Variants in ULK4 observed in about 807,000 individuals in gnomAD.
ULK4 encodes the protein inactive serine/threonine-protein kinase ULK4.
ULK4 carries 133 observed loss-of-function variants against 160.6 expected under a neutral mutation model. The observed-to-expected ratio is 0.83, with a 90% CI of 0.72 to 0.96. The LOEUF (loss-of-function observed/expected upper bound fraction) is 0.96. Ranked by LOEUF, ULK4 falls within the 40% of genes least tolerant of loss-of-function variation. The pLI, the probability that ULK4 is intolerant of heterozygous loss-of-function variation, is 0.00. For missense variants in ULK4, 1,580 were observed against 1,499.5 expected (o/e 1.05, Z -0.89); for synonymous variants, 534 against 539.8 (o/e 0.99, Z 0.15).
chr3:41,666,191 C>A (rs796596704), intron 29 of ULK4, among the ~76,000 whole-genome samples: 6 of 152,312 alleles, frequency 3.9e-5, no homozygotes, highest in African/African-American at 1.4e-4. Context: ...ACTTGTGGAA[C>A]TGACCTTAGT....
chr3:41,571,869 C>G (rs185345815), intron 31 of ULK4, among the ~76,000 whole-genome samples: 148 of 152,274 alleles, frequency 9.7e-4, no homozygotes, highest in African/African-American at 3.3e-3. Flanking sequence ...CTGATACATG[C>G]AAGGAGAGAT....
intron 35 of ULK4, among the ~76,000 whole-genome samples, chr3:41,293,418 G>A (rs766303992): frequency 2.4e-4 from 36 of 152,150 alleles, no homozygotes; most frequent in Non-Finnish European, 4.4e-4. Flanking sequence ...CACTCACTCC[G>A]TAACCCAGTG....
At chr3:41,648,344 C>T (rs1209446976) in intron 30 of ULK4, among the ~76,000 whole-genome samples, 1 of 151,854 alleles carries the variant, frequency 6.6e-6, no homozygotes, top group African/African-American at 2.4e-5. Flanking sequence ...TCTTGGCTGC[C>T]CTCCCCAGTT....
At chr3:41,939,193 C>A (rs1003564272) in intron 2 of ULK4, among the ~76,000 whole-genome samples, 1 of 149,976 alleles carries the variant, frequency 6.7e-6, no homozygotes, top group Non-Finnish European at 1.5e-5. Context: ...AGGAGTCTCG[C>A]TCTGTCACCC....
intron 32 of ULK4, among the ~76,000 whole-genome samples, chr3:41,565,302 T>C (rs538739479): frequency 1.3e-5 from 2 of 152,336 alleles, no homozygotes; most frequent in East Asian, 3.9e-4. Context: ...TGTCAACTCA[T>C]CCAGTCTCAT....
At chr3:41,926,716 T>C (rs973276453) in intron 5 of ULK4, among the ~76,000 whole-genome samples, 1 of 151,926 alleles carries the variant, frequency 6.6e-6, no homozygotes, top group Admixed American at 6.6e-5. Flanking sequence ...CAAGTATCAA[T>C]AGCCAAATAG....
intron 35 of ULK4, among the ~76,000 whole-genome samples, chr3:41,310,388 TAA>T (rs1450237603): frequency 3.3e-5 from 5 of 151,962 alleles, no homozygotes; most frequent in African/African-American, 9.7e-5. Flanking sequence ...TTGAAATCAA[TAA>T]AAGAGGAAAT....
intron 32 of ULK4, among the ~76,000 whole-genome samples, chr3:41,493,358 T>G (rs2084863782): frequency 1.4e-5 from 2 of 144,202 alleles, no homozygotes; most frequent in African/African-American, 5.1e-5. Flanking sequence ...AAGGCAGAAA[T>G]AAAGATGTTC....
intron 35 of ULK4, among the ~76,000 whole-genome samples, chr3:41,348,658 G>GT (rs1559537555): frequency 6.6e-6 from 1 of 151,384 alleles, no homozygotes; most frequent in Non-Finnish European, 1.5e-5. Context: ...GCGAGTAAAT[G>GT]TAAGACTTCT....
chr3:41,539,690 C>G (rs140992991), intron 32 of ULK4, among the ~76,000 whole-genome samples: 1 of 152,244 alleles, frequency 6.6e-6, no homozygotes, highest in African/African-American at 2.4e-5. Flanking sequence ...TATAGTATTT[C>G]AGAACTCTGA....
intron 35 of ULK4, among the ~76,000 whole-genome samples, chr3:41,287,778 G>A (rs1436227396): frequency 1.3e-5 from 2 of 152,326 alleles, no homozygotes; most frequent in African/African-American, 4.8e-5. Context: ...ACATTTGCCA[G>A]AGCCCAAACA....
At chr3:41,475,449 T>C (rs1037841386) in intron 32 of ULK4, among the ~76,000 whole-genome samples, 93 of 152,174 alleles carry the variant, frequency 6.1e-4, no homozygotes, top group African/African-American at 2.1e-3. Flanking sequence ...ATAGTAATAA[T>C]GTATACTTCA....
intron 1 of ULK4, among the ~76,000 whole-genome samples, chr3:41,961,294 A>T (rs1700657371): frequency 6.6e-6 from 1 of 152,136 alleles, no homozygotes; most frequent in Non-Finnish European, 1.5e-5. Flanking sequence ...ATCACCTGGG[A>T]CTTAATACAA....
At chr3:41,381,629 A>T (rs1367360149) in intron 35 of ULK4, among the ~76,000 whole-genome samples, 1 of 152,128 alleles carries the variant, frequency 6.6e-6, no homozygotes, top group East Asian at 1.9e-4. Context: ...TTCAAGATAT[A>T]TCCAAAATAT....
intron 35 of ULK4, among the ~76,000 whole-genome samples, chr3:41,311,863 G>A (rs2080055494): frequency 1.5e-5 from 2 of 137,368 alleles, no homozygotes; most frequent in Admixed American, 7.2e-5. Context: ...CACTGCACCC[G>A]GCCAAACTCT....
intron 16 of ULK4, among the ~76,000 whole-genome samples, chr3:41,891,485 G>GAA (rs75147888): frequency 3.1e-5 from 4 of 130,390 alleles, no homozygotes; most frequent in African/African-American, 5.6e-5. Flanking sequence ...ACAGAAGAGG[G>GAA]AAAAAAAAAA....
At chr3:41,479,277 C>T (rs1416620210) in intron 32 of ULK4, among the ~76,000 whole-genome samples, 10 of 152,208 alleles carry the variant, frequency 6.6e-5, no homozygotes, top group Non-Finnish European at 1.5e-4. Context: ...ATCAGCATCA[C>T]TCTTTCACTC....
chr3:41,700,476 G>A (rs2036637235), intron 27 of ULK4, among the ~76,000 whole-genome samples: 2 of 152,282 alleles, frequency 1.3e-5, no homozygotes, highest in Admixed American at 1.3e-4. Context: ...TGAGGAGGCT[G>A]CCCTGGGAAG....
At chr3:41,744,672 G>GT (rs902972189) in intron 22 of ULK4, among the ~76,000 whole-genome samples, 4 of 151,796 alleles carry the variant, frequency 2.6e-5, no homozygotes, top group African/African-American at 9.7e-5. Flanking sequence ...AAGAAAAACA[G>GT]TAAGAATAGA....
Sources: gnomAD v4.1 joint callset for allele counts (sites outside exome capture counted in the v4.1 genomes callset) on GRCh38, gnomAD v4.1.1 for gene constraint, MANE v1.5 for transcripts, NCBI Gene and HGNC (gene_info 2026-07-23, HGNC 2026-07-21) for gene names.